Variants in KHDRBS3 observed in about 807,000 individuals in gnomAD.
KHDRBS3 encodes the protein KH domain-containing, RNA-binding, signal transduction-associated protein 3.
In KHDRBS3, 23 loss-of-function variants were observed where a neutral mutation model predicts 45.6. The observed-to-expected ratio is 0.50, with a 90% CI of 0.36 to 0.72. The LOEUF (loss-of-function observed/expected upper bound fraction) is 0.72. KHDRBS3 is among the 30% of genes least tolerant of loss of function. KHDRBS3 has a pLI of 0.00. For missense variants in KHDRBS3, 352 were observed against 424.8 expected (o/e 0.83, Z 1.51); for synonymous variants, 162 against 156.5 (o/e 1.04, Z -0.26).
At chr8:135,651,376 G>T (rs1243001362), downstream of KHDRBS3, among the ~76,000 whole-genome samples, 1 of 151,528 alleles carries the variant, frequency 6.6e-6, no homozygotes, top group Non-Finnish European at 1.5e-5. Context: ...AAGCATGCCT[G>T]GGACAAATAA....
At chr8:135,610,600 CTAAT>C (rs1397221383) in intron 7 of KHDRBS3, among the ~76,000 whole-genome samples, 1 of 151,816 alleles carries the variant, frequency 6.6e-6, no homozygotes, top group African/African-American at 2.4e-5. Flanking sequence ...ATGTAATATT[CTAAT>C]TATCGTGAGC....
At chr8:135,544,546 T>G (rs1017152346) in intron 3 of KHDRBS3, among the ~76,000 whole-genome samples, 3 of 152,124 alleles carry the variant, frequency 2.0e-5, no homozygotes, top group African/African-American at 7.2e-5. Flanking sequence ...GTCGGTGTTA[T>G]GAAGTAATGC....
intron 1 of KHDRBS3, among the ~76,000 whole-genome samples, chr8:135,471,110 G>A (rs992362547): frequency 5.3e-5 from 8 of 152,108 alleles, no homozygotes; most frequent in Admixed American, 5.2e-4. Flanking sequence ...ATTGATACTC[G>A]TTGTATACTC....
intron 4 of KHDRBS3, among the ~76,000 whole-genome samples, chr8:135,654,396 C>T (rs2131223744): frequency 6.6e-6 from 1 of 152,306 alleles, no homozygotes; most frequent in Admixed American, 6.5e-5. Flanking sequence ...TCTTCATATG[C>T]TTTTGTAAAA....
intron 4 of KHDRBS3, among the ~76,000 whole-genome samples, chr8:135,556,105 T>A (rs1043403440): frequency 1.3e-5 from 2 of 152,240 alleles, no homozygotes; most frequent in Non-Finnish European, 2.9e-5. Context: ...ATGGTGTATA[T>A]GTGCCACATT....
chr8:135,473,618 G>A (rs548898146), intron 1 of KHDRBS3, among the ~76,000 whole-genome samples: 160 of 152,296 alleles, frequency 1.1e-3, no homozygotes, highest in Non-Finnish European at 1.8e-3. Flanking sequence ...GCTTTGGACA[G>A]GAGCAGGCTC....
chr8:135,527,250 GTTAATA>G (rs562210609), intron 2 of KHDRBS3, among the ~76,000 whole-genome samples: 289 of 152,256 alleles, frequency 1.9e-3, no homozygotes, highest in Non-Finnish European at 3.4e-3. Context: ...AGATGAATAA[GTTAATA>G]TTAATAATAC....
chr8:135,475,750 G>A (rs1019377639), intron 1 of KHDRBS3, among the ~76,000 whole-genome samples: 16 of 152,050 alleles, frequency 1.1e-4, no homozygotes, highest in Non-Finnish European at 2.2e-4. Context: ...ACCATACCAG[G>A]ACATTTATAG....
intron 1 of KHDRBS3, among the ~76,000 whole-genome samples, chr8:135,520,771 A>T (rs1194475498): frequency 6.6e-6 from 1 of 152,164 alleles, no homozygotes; most frequent in Admixed American, 6.5e-5. Context: ...TTGATTGGGG[A>T]GGTGGGCTAC....
intron 5 of KHDRBS3, among the ~76,000 whole-genome samples, chr8:135,562,845 T>A (rs1827234428): frequency 6.6e-6 from 1 of 152,202 alleles, no homozygotes; most frequent in Admixed American, 6.5e-5. Context: ...AAAACATACT[T>A]GTTGGAGCCT....
At chr8:135,607,585 T>C (rs1829520926) in intron 7 of KHDRBS3, among the ~76,000 whole-genome samples, 1 of 152,248 alleles carries the variant, frequency 6.6e-6, no homozygotes, top group Non-Finnish European at 1.5e-5. Flanking sequence ...GCTTCATACT[T>C]ACCTCTTCTG....
chr8:135,626,102 A>T, intron 7 of KHDRBS3: 1 of 507,154 alleles, frequency 2.0e-6, no homozygotes, highest in East Asian at 2.9e-5. Context: ...ATAAGGACTC[A>T]TTTAAAAAGG....
At chr8:135,473,928 C>T (rs1586567238) in intron 1 of KHDRBS3, among the ~76,000 whole-genome samples, 1 of 152,128 alleles carries the variant, frequency 6.6e-6, no homozygotes, top group South Asian at 2.1e-4. Flanking sequence ...TGAGAATGGC[C>T]ACCATTCTTG....
chr8:135,595,111 T>C (rs995960248), intron 6 of KHDRBS3, among the ~76,000 whole-genome samples: 2 of 152,190 alleles, frequency 1.3e-5, no homozygotes, highest in Non-Finnish European at 2.9e-5. Context: ...CACAGAATAG[T>C]AGATATTCTG....
intron 1 of KHDRBS3, among the ~76,000 whole-genome samples, chr8:135,499,278 TA>T (rs1049792856): frequency 7.5e-4 from 115 of 152,346 alleles, no homozygotes; most frequent in African/African-American, 2.4e-3. Context: ...TTTAGCTCCT[TA>T]ACAACAGTCC....
At position 135,647,063 on chromosome 8, in the gene KHDRBS3, C is replaced by T. The variant is rs2131209833; in HGVS notation, c.1020C>T (p.Asp340=). Residue 340 remains aspartate (D), a synonymous_variant, in exon 9 of 9, where the codon GAC becomes GAT. Transcript: ENST00000355849. ...SARTAKGVYR[D]QPYGRY ...GGACAGCAAAGGGCGTCTACAGAGA[C>T]CAGCCATATGGCAGATACTGATTGT... 1.2e-6 allele frequency: 2 copies of T among 1,602,454 alleles called. No individual in the cohort carries two copies. The highest frequency in any genetic ancestry group is 1.1e-5 in the South Asian group (1 of 90,812).
At chr8:135,607,721 T>C (rs1829527775) in intron 7 of KHDRBS3, among the ~76,000 whole-genome samples, 1 of 152,170 alleles carries the variant, frequency 6.6e-6, no homozygotes, top group Non-Finnish European at 1.5e-5. Context: ...AAGGTAGATA[T>C]ACACATAAAA....
At chr8:135,504,737 T>A (rs1823905120) in intron 1 of KHDRBS3, among the ~76,000 whole-genome samples, 1 of 152,220 alleles carries the variant, frequency 6.6e-6, no homozygotes, top group Non-Finnish European at 1.5e-5. Flanking sequence ...CCAGATTATA[T>A]TGTCTTCCTG....
chr8:135,561,989 A>G (rs1288595531), intron 5 of KHDRBS3, among the ~76,000 whole-genome samples: 7 of 152,210 alleles, frequency 4.6e-5, no homozygotes, highest in South Asian at 2.1e-4. Context: ...TTAAAAAAAA[A>G]AGTTAAAAGT....
Sources: allele counts gnomAD v4.1 joint callset (sites outside exome capture counted in the v4.1 genomes callset), GRCh38; gene constraint gnomAD v4.1.1; transcripts MANE v1.5; gene names NCBI Gene and HGNC (gene_info 2026-07-23, HGNC 2026-07-21).